Variants in PDGFD observed in about 807,000 individuals in gnomAD.
PDGFD encodes platelet derived growth factor D.
Under a neutral mutation model 44.7 loss-of-function variants are expected in PDGFD, and 30 were observed. The ratio of observed to expected loss-of-function variants is 0.67; its 90% CI spans 0.50 to 0.91. The LOEUF is 0.91. Among genes scored for constraint, PDGFD ranks in the 40% least tolerant of loss-of-function variants. The pLI is 0.00. For missense variants in PDGFD, 445 were observed against 457.8 expected, an observed-to-expected ratio of 0.97 and a Z score of 0.25; for synonymous variants, 173 against 168.4, an observed-to-expected ratio of 1.03 and a Z score of -0.21.
intron 1 of PDGFD, among the ~76,000 whole-genome samples, chr11:104,084,214 C>T (rs1334239198): frequency 6.6e-6 from 1 of 152,120 alleles, no homozygotes; most frequent in African/African-American, 2.4e-5. Flanking sequence ...AGGTAACTCA[C>T]AAATAGAGAA....
chr11:104,118,643 C>T (rs1861676282), intron 1 of PDGFD, among the ~76,000 whole-genome samples: 1 of 147,382 alleles, frequency 6.8e-6, no homozygotes, highest in Non-Finnish European at 1.5e-5. Context: ...CATTGATATC[C>T]CATTGCTAAC....
chr11:104,137,049 C>T (rs1168324050), intron 1 of PDGFD, among the ~76,000 whole-genome samples: 1 of 151,846 alleles, frequency 6.6e-6, no homozygotes, highest in Non-Finnish European at 1.5e-5. Flanking sequence ...CAGAGCCCCT[C>T]CTTCCTGGTC....
At chr11:103,924,877 G>A (rs759375102) in intron 6 of PDGFD, among the ~76,000 whole-genome samples, 53 of 152,004 alleles carry the variant, frequency 3.5e-4, no homozygotes, top group Non-Finnish European at 4.4e-4. Context: ...GGTTTGTTAC[G>A]TAGGTATACA....
At chr11:104,080,023 G>A (rs182274724) in intron 1 of PDGFD, among the ~76,000 whole-genome samples, 92 of 152,286 alleles carry the variant, frequency 6.0e-4, no homozygotes, top group African/African-American at 2.1e-3. Context: ...GCATACCAAT[G>A]TGGCTGAAAA....
chr11:104,049,016 G>A (rs1277076883), intron 1 of PDGFD, among the ~76,000 whole-genome samples: 2 of 152,238 alleles, frequency 1.3e-5, no homozygotes, highest in Non-Finnish European at 2.9e-5. Context: ...CACAGAGGTT[G>A]TGTCTTGTCA....
intron 3 of PDGFD, among the ~76,000 whole-genome samples, chr11:103,980,170 T>C (rs910867595): frequency 6.6e-6 from 1 of 152,118 alleles, no homozygotes; most frequent in African/African-American, 2.4e-5. Context: ...TTTTATTGTC[T>C]TTTTCTTTAA....
At chr11:103,951,463 G>A (rs549087600) in intron 3 of PDGFD, among the ~76,000 whole-genome samples, 7 of 152,122 alleles carry the variant, frequency 4.6e-5, no homozygotes, top group Admixed American at 1.3e-4. Flanking sequence ...CACTTCTGTC[G>A]TCTGCTTAAA....
At chr11:104,162,464 AT>A (rs897420603) in intron 1 of PDGFD, among the ~76,000 whole-genome samples, 26 of 152,242 alleles carry the variant, frequency 1.7e-4, no homozygotes, top group African/African-American at 6.0e-4. Context: ...TAGTAAAAAA[AT>A]AAATAAATAA....
At chr11:103,916,756 C>A (rs1471715646) in intron 6 of PDGFD, among the ~76,000 whole-genome samples, 1 of 152,106 alleles carries the variant, frequency 6.6e-6, no homozygotes, top group Non-Finnish European at 1.5e-5. Context: ...TACTATGCAG[C>A]CATAAAAAGG....
chr11:103,991,827 TGTCA>T (rs1859457983), intron 3 of PDGFD, among the ~76,000 whole-genome samples: 1 of 152,200 alleles, frequency 6.6e-6, no homozygotes, highest in African/African-American at 2.4e-5. Flanking sequence ...AACAACCTAA[TGTCA>T]TGCAGTATTA....
chr11:104,058,375 C>T (rs1860656136), intron 1 of PDGFD, among the ~76,000 whole-genome samples: 1 of 152,096 alleles, frequency 6.6e-6, no homozygotes, highest in South Asian at 2.1e-4. Context: ...GTTTGAATGG[C>T]ACATGAGCAC....
At chr11:103,955,779 A>T (rs1858833850) in intron 3 of PDGFD, among the ~76,000 whole-genome samples, 1 of 152,124 alleles carries the variant, frequency 6.6e-6, no homozygotes, top group East Asian at 1.9e-4. Context: ...CTGTTATAGT[A>T]AAAATATCTT....
intron 3 of PDGFD, among the ~76,000 whole-genome samples, chr11:103,955,197 A>C (rs1345366534): frequency 3.0e-5 from 4 of 131,816 alleles, no homozygotes; most frequent in East Asian, 2.3e-4. Flanking sequence ...AAAAAAAAAA[A>C]AAAAAAAAAA....
rs564579265 is a variant in PDGFD at position 104,012,065 on chromosome 11, G to A, written c.125-11810C>T. ...TGAAAGATTAATGCAAATGATTCCC[G>A]CATTATGATGATGATAAATAGCTAC... On this transcript the variant is annotated intron_variant, in intron 1 of 6. Transcript: ENST00000393158. 8.9e-4 allele frequency among the ~76,000 whole-genome samples: 136 copies of A among 152,182 alleles called. 1 individual carries two copies. The highest frequency in any genetic ancestry group is 3.4e-3 in the Middle Eastern group (1 of 294).
At chr11:104,008,621 T>A (rs1565309435) in intron 1 of PDGFD, among the ~76,000 whole-genome samples, 4 of 152,160 alleles carry the variant, frequency 2.6e-5, no homozygotes, top group African/African-American at 9.6e-5. Context: ...CCTTTAAAAC[T>A]AAGTAAAGAC....
intron 1 of PDGFD, among the ~76,000 whole-genome samples, chr11:104,054,214 T>C (rs1860587140): frequency 6.6e-6 from 1 of 152,238 alleles, no homozygotes; most frequent in Admixed American, 6.5e-5. Context: ...AAGCTCCACA[T>C]TGCTGGGAAA....
At chr11:104,095,489 A>G (rs956408381) in intron 1 of PDGFD, among the ~76,000 whole-genome samples, 5 of 152,128 alleles carry the variant, frequency 3.3e-5, no homozygotes, top group Non-Finnish European at 7.4e-5. Context: ...TCAGTCACCA[A>G]AAGACCCTGC....
intron 6 of PDGFD, among the ~76,000 whole-genome samples, chr11:103,924,194 G>C (rs913906907): frequency 2.0e-5 from 3 of 152,128 alleles, no homozygotes; most frequent in Non-Finnish European, 4.4e-5. Context: ...TCTGAGCATA[G>C]AGTCAAGATA....
intron 5 of PDGFD, among the ~76,000 whole-genome samples, chr11:103,932,905 T>A (rs1295096359): frequency 1.3e-5 from 2 of 152,152 alleles, no homozygotes; most frequent in Admixed American, 6.6e-5. Flanking sequence ...TAGGATGTGG[T>A]GTAGTGCGAA....
Sources: gnomAD v4.1 joint callset for allele counts (sites outside exome capture counted in the v4.1 genomes callset) on GRCh38, gnomAD v4.1.1 for gene constraint, MANE v1.5 for transcripts, NCBI Gene and HGNC (gene_info 2026-07-23, HGNC 2026-07-21) for gene names.